The following NCOR1 variants were observed in gnomAD, a reference collection of about 807,000 sequenced individuals.
The protein encoded by NCOR1 is protein phosphatase 1, regulatory subunit 109.
Under a neutral mutation model 288.1 loss-of-function variants are expected in NCOR1, and 63 were observed. That is an observed-to-expected ratio of 0.22 (90% CI 0.18 to 0.27). The LOEUF (loss-of-function observed/expected upper bound fraction) is 0.27. NCOR1 is among the 10% of genes least tolerant of loss of function. The probability of loss-of-function intolerance (pLI) is 1.00; values close to 1 mark genes in which losing one functional copy is unlikely to be tolerated. For missense variants in NCOR1, 2,397 were observed against 3,019.2 expected (o/e 0.79, Z 4.83); for synonymous variants, 1,007 against 1,065.9 (o/e 0.94, Z 1.08).
At chr17:16,155,350 CAAAA>C (rs11367956) in intron 6 of NCOR1, among the ~76,000 whole-genome samples, 2 of 114,890 alleles carry the variant, frequency 1.7e-5, no homozygotes, top group Non-Finnish European at 1.8e-5. Context: ...GACTGTGTCT[CAAAA>C]AAAAAAAAAA....
At chr17:16,075,353 G>A (rs1318701289) in intron 27 of NCOR1, among the ~76,000 whole-genome samples, 181 bp downstream of exon 27, 2 of 152,040 alleles carry the variant, frequency 1.3e-5, no homozygotes, top group South Asian at 2.1e-4. Context: ...ACTTTTTATC[G>A]ACTAAGCTGT....
chr17:16,075,658 C>T lies in NCOR1; in HGVS notation c.3546G>A (p.Leu1182=). The T allele has an allele frequency of 1.2e-6, 2 of 1,614,196 alleles. No homozygotes were observed. The highest frequency in any genetic ancestry group is 1.7e-6 in the Non-Finnish European group (2 of 1,180,040). The change falls in exon 27 of 46, where the codon TTG becomes TTA. Residue 1182 remains leucine, a synonymous_variant. Coordinates refer to ENST00000268712, the MANE Select transcript of NCOR1 (RefSeq NM_006311.4). ...GCATTCTCGAAATGGACCCCTTCACCAAAGCCTCTGTTGGTATGCCAGTCT... is the reference window on the plus strand; with the variant it reads ...GCATTCTCGAAATGGACCCCTTCACTAAAGCCTCTGTTGGTATGCCAGTCT... ...LPQTGIPTEA[L]VKGSISRMPI...
intron 18 of NCOR1, among the ~76,000 whole-genome samples, chr17:16,114,330 G>C (rs1488332517): frequency 6.6e-6 from 1 of 152,010 alleles, no homozygotes; most frequent in East Asian, 1.9e-4. Context: ...TTCAAGATGA[G>C]ATTTGGGTGG....
chr17:16,052,114 T>C (rs2059392786), intron 40 of NCOR1, among the ~76,000 whole-genome samples: 1 of 151,758 alleles, frequency 6.6e-6, no homozygotes, highest in South Asian at 2.1e-4. Context: ...GTTCACGCCA[T>C]TCTCCTGCCT....
At chr17:16,065,907 G>T in intron 32 of NCOR1, 1 of 551,864 alleles carries the variant, frequency 1.8e-6, no homozygotes, top group Non-Finnish European at 3.2e-6. Context: ...AAAAGGGGAA[G>T]GATAACAGTA....
chr17:16,206,939 T>C (rs1181612059), intron 1 of NCOR1, among the ~76,000 whole-genome samples: 1 of 152,188 alleles, frequency 6.6e-6, no homozygotes, highest in Non-Finnish European at 1.5e-5. Flanking sequence ...TACTTATAAT[T>C]AGTGAAAGAT....
At chr17:16,211,930 T>C (rs114870584) in intron 1 of NCOR1, among the ~76,000 whole-genome samples, 1,635 of 151,982 alleles carry the variant, frequency 0.011, 34 homozygotes, top group African/African-American at 0.037. Context: ...CTTAACCATT[T>C]ACATGTATAC....
At chr17:16,101,862 T>C (rs897172261) in intron 19 of NCOR1, 105 bp from the exon 20 acceptor site, 20 of 1,400,950 alleles carry the variant, frequency 1.4e-5, no homozygotes, top group African/African-American at 5.7e-5. Flanking sequence ...CAGGTGGTGA[T>C]AGAAACCATG....
At chr17:16,113,146 A>C (rs1021135593) in intron 18 of NCOR1, among the ~76,000 whole-genome samples, 3 of 151,358 alleles carry the variant, frequency 2.0e-5, no homozygotes, top group African/African-American at 7.3e-5. Flanking sequence ...CGATCTCCTG[A>C]CCTTGTGTTC....
intron 25 of NCOR1, 84 bp downstream of exon 25, chr17:16,080,324 C>A: frequency 8.9e-7 from 1 of 1,123,444 alleles, no homozygotes; most frequent in South Asian, 1.7e-5. Context: ...TAAAAAAGCC[C>A]ATCATTAAAA....
At chr17:16,167,446 G>A (rs964267272) in intron 4 of NCOR1, among the ~76,000 whole-genome samples, 23 of 150,568 alleles carry the variant, frequency 1.5e-4, no homozygotes, top group Middle Eastern at 3.4e-3. Flanking sequence ...ATCACAAAAA[G>A]CCTCAAGTTA....
At chr17:16,187,346 C>A (rs1253510909) in intron 2 of NCOR1, among the ~76,000 whole-genome samples, 2 of 151,846 alleles carry the variant, frequency 1.3e-5, no homozygotes, top group East Asian at 3.9e-4. Flanking sequence ...TATAAAACCA[C>A]ACACAAAACC....
At chr17:16,068,257 C>T (rs1476463406) in intron 31 of NCOR1, 136 bp from the exon 32 acceptor site, 1 of 704,008 alleles carries the variant, frequency 1.4e-6, no homozygotes, top group East Asian at 2.7e-5. Context: ...ATTTAACATT[C>T]AATATTGCAA....
chr17:16,171,707 G>C, intron 4 of NCOR1, 96 bp downstream of exon 4: 6 of 1,134,976 alleles, frequency 5.3e-6, no homozygotes, highest in Non-Finnish European at 7.1e-6. Flanking sequence ...TTTAGAGACT[G>C]GTGTAACTGG....
At chr17:16,062,029 T>TA in intron 36 of NCOR1, 76 bp downstream of exon 36, 1 of 1,589,890 alleles carries the variant, frequency 6.3e-7, no homozygotes, top group East Asian at 2.2e-5. Context: ...TGACTATACT[T>TA]AGACTATTGC....
chr17:16,068,173 T>C (rs371606324), intron 31 of NCOR1, 52 bp from the exon 32 acceptor site: 1 of 1,380,342 alleles, frequency 7.2e-7, no homozygotes, highest in African/African-American at 1.4e-5. Context: ...GCAAGTATGA[T>C]AATATTTGTC....
At chr17:16,093,599 A>G (rs1416627326) in intron 21 of NCOR1, among the ~76,000 whole-genome samples, 1 of 152,184 alleles carries the variant, frequency 6.6e-6, no homozygotes, top group East Asian at 1.9e-4. Flanking sequence ...TAGAGGTCTG[A>G]CTTTTTTTTA....
intron 40 of NCOR1, 61 bp downstream of exon 40, chr17:16,057,453 G>A: frequency 6.8e-7 from 1 of 1,480,922 alleles, no homozygotes; most frequent in Non-Finnish European, 9.4e-7. Flanking sequence ...TTATCCTGTA[G>A]ATATATTCCA....
chr17:16,178,328 T>A (rs2153489471), intron 3 of NCOR1, among the ~76,000 whole-genome samples: 1 of 151,620 alleles, frequency 6.6e-6, no homozygotes, highest in South Asian at 2.1e-4. Context: ...TGAAACCCCA[T>A]TTCTGCTAAA....
Sources: allele counts gnomAD v4.1 joint callset (sites outside exome capture counted in the v4.1 genomes callset), GRCh38; gene constraint gnomAD v4.1.1; transcripts MANE v1.5; gene names NCBI Gene and HGNC (gene_info 2026-07-23, HGNC 2026-07-21).